CACNA2D4: variants seen among roughly 807,000 people sequenced by gnomAD.
The protein encoded by CACNA2D4 is voltage-dependent calcium channel subunit alpha-2/delta-4.
CACNA2D4 carries 157 observed loss-of-function variants against 163.8 expected under a neutral mutation model. The observed-to-expected ratio is 0.96, with a 90% CI of 0.84 to 1.09. CACNA2D4 has a LOEUF of 1.09. Ranked by LOEUF, CACNA2D4 falls within the 50% of genes least tolerant of loss-of-function variation. CACNA2D4 has a pLI of 0.00. For synonymous variants in CACNA2D4, 598 were observed against 586.9 expected, an observed-to-expected ratio of 1.02 and a Z score of -0.27; for missense variants, 1,410 against 1,479.9, an observed-to-expected ratio of 0.95 and a Z score of 0.78.
At position 1,844,611 on chromosome 12, in the gene CACNA2D4, T is replaced by C. The variant is rs1865102539; in HGVS notation, c.2343-82A>G. 2 of 1,482,828 alleles carry C rather than the reference T, an allele frequency of 1.3e-6. No homozygotes were observed. The allele number at this position is 1,482,828 out of a possible 1,614,324, so 91.9% of individuals were successfully genotyped here. ...TTTCCTTTTCTCACACAAGGTCAAC[T>C]TGGCTGGGCTAAGAGAGTGATTTTA... On this transcript the variant is annotated intron_variant, in intron 24 of 37. Transcript: ENST00000382722. This position sits in a 1 kb window ranked among gnomAD's most constrained non-coding sequence, Gnocchi z 4.2.
chr12:1,828,199 G>GCC lies in CACNA2D4; in HGVS notation c.2551+12539_2551+12540insGG. 6.5e-7 allele frequency: 1 copy of GCC among 1,546,964 alleles called. No individual in the cohort carries two copies. The highest frequency in any genetic ancestry group is 8.7e-7 in the Non-Finnish European group (1 of 1,145,370). ...GGCAGAGGGGCAGGCTCGCCCTGCA[G>GCC]TGGAGGCAAGTCTCCTGTGAGTACA... On this transcript the variant is annotated intron_variant, in intron 26 of 37. Coordinates refer to ENST00000382722, the MANE Select transcript of CACNA2D4 (RefSeq NM_172364.5). This position sits in a 1 kb window ranked among gnomAD's most constrained non-coding sequence, Gnocchi z 4.2.
chr12:1,803,675 G>A (rs1013210385), intron 29 of CACNA2D4, among the ~76,000 whole-genome samples: 1 of 152,196 alleles, frequency 6.6e-6, no homozygotes, highest in African/African-American at 2.4e-5. Context: ...ACACTTGTCT[G>A]TCTACACTCT....
At chr12:1,903,179 T>C (rs1407197587) in intron 6 of CACNA2D4, among the ~76,000 whole-genome samples, 3 of 152,082 alleles carry the variant, frequency 2.0e-5, no homozygotes, top group Non-Finnish European at 2.9e-5. Context: ...AGAATGAAAC[T>C]AGACTCCTAT....
At chr12:1,895,633 CTTAA>C (rs908796502) in intron 6 of CACNA2D4, among the ~76,000 whole-genome samples, 63 of 152,142 alleles carry the variant, frequency 4.1e-4, no homozygotes, top group African/African-American at 1.1e-3. Context: ...AAATTAATTA[CTTAA>C]TTAATTAGTT....
intron 26 of CACNA2D4, among the ~76,000 whole-genome samples, chr12:1,819,630 C>T (rs1164768464): frequency 6.6e-6 from 1 of 152,294 alleles, no homozygotes; most frequent in East Asian, 1.9e-4. Flanking sequence ...AGCTTGGTCC[C>T]TGACTCACTT....
intron 1 of CACNA2D4, 142 bp downstream of exon 1, chr12:1,918,105 G>C (rs759377832): frequency 4.4e-5 from 30 of 675,110 alleles, no homozygotes; most frequent in Non-Finnish European, 7.4e-5. Flanking sequence ...TACAGCAAGA[G>C]AGTGGTCAGT....
chr12:1,821,091 T>C (rs1303964610), intron 26 of CACNA2D4, among the ~76,000 whole-genome samples: 2 of 152,098 alleles, frequency 1.3e-5, no homozygotes, highest in Non-Finnish European at 2.9e-5. Context: ...TGGCGCCAGA[T>C]GACAGTCCCG....
chr12:1,883,756 G>C lies in CACNA2D4; in HGVS notation c.1351+487C>G, dbSNP rs1389007859. On this transcript the variant is annotated intron_variant, in intron 12 of 37. Transcript: ENST00000382722. This position sits in a 1 kb window ranked among gnomAD's most constrained non-coding sequence, Gnocchi z 4.5. ...CCACCATCAAAGCACATTTCAGGCT[G>C]CATCGTGGGTGGTGTTTTACTTGTA... Among the ~76,000 whole-genome samples, 3 of 152,186 alleles carry C rather than the reference G, an allele frequency of 2.0e-5. No individual in the cohort carries two copies. The highest frequency in any genetic ancestry group is 7.2e-5 in the African/African-American group (3 of 41,448).
At chr12:1,842,766 T>C (rs1865056417) in intron 25 of CACNA2D4, among the ~76,000 whole-genome samples, 1 of 152,140 alleles carries the variant, frequency 6.6e-6, no homozygotes. Context: ...GTGGGTGCCC[T>C]CCCTGGGGAG....
At chr12:1,890,614 T>G (rs1023101000) in intron 6 of CACNA2D4, among the ~76,000 whole-genome samples, 2 of 152,050 alleles carry the variant, frequency 1.3e-5, no homozygotes, top group African/African-American at 4.8e-5. Context: ...CCCTCCCCAA[T>G]AGCAGGGCTG....
intron 34 of CACNA2D4, chr12:1,797,755 G>C (rs1273802032): frequency 5.0e-6 from 3 of 595,046 alleles, no homozygotes; most frequent in Non-Finnish European, 9.0e-6. Flanking sequence ...GAGCGCCGCA[G>C]GGGCCCTGAG....
chr12:1,818,913 T>C (rs1719367663), intron 26 of CACNA2D4, among the ~76,000 whole-genome samples: 1 of 150,148 alleles, frequency 6.7e-6, no homozygotes, highest in South Asian at 2.1e-4. Flanking sequence ...GTTTATCTGC[T>C]GACCTTCCCT....
rs184524912 is a variant in CACNA2D4, at chr12:1,805,129, C to T, written c.2722-3485G>A. ...TCATGGGGGACAATTCACAAATAAG[C>T]AGTGGCCCGTGGGCTGCCTGAACTC... On this transcript the variant is annotated intron_variant, in intron 29 of 37. Transcript: ENST00000382722. Among the ~76,000 whole-genome samples the T allele has an allele frequency of 3.2e-3, 485 of 152,264 alleles. 1 individual carries two copies. Among genetic ancestry groups the T allele is most frequent in the Non-Finnish European group, 5.2e-3 (354 of 68,020 alleles).
At position 1,799,614 on chromosome 12, in the gene CACNA2D4, G is replaced by A; in HGVS notation, c.2995+61C>T. ...ACAGGTCATGGAGGGTGGGTTCTTTGTAGCTCCTGCTGCGTCCCCAACCCA... is the reference window on the plus strand; with the variant it reads ...ACAGGTCATGGAGGGTGGGTTCTTTATAGCTCCTGCTGCGTCCCCAACCCA... On this transcript the variant is annotated intron_variant, in intron 34 of 37. Transcript: ENST00000382722. This position sits in a 1 kb window ranked among gnomAD's most constrained non-coding sequence, Gnocchi z 4.7. The A allele has an allele frequency of 6.5e-7, 1 of 1,536,702 alleles. No homozygotes were observed. The highest frequency in any genetic ancestry group is 8.8e-7 in the Non-Finnish European group (1 of 1,133,424).
intron 18 of CACNA2D4, among the ~76,000 whole-genome samples, chr12:1,865,040 C>T (rs1865614008): frequency 6.6e-6 from 1 of 152,178 alleles, no homozygotes; most frequent in African/African-American, 2.4e-5. Context: ...GTCACCGTCG[C>T]GTGGTCCCTC....
intron 26 of CACNA2D4, among the ~76,000 whole-genome samples, chr12:1,839,346 C>T (rs1026786347): frequency 8.5e-5 from 13 of 152,212 alleles, no homozygotes; most frequent in Non-Finnish European, 4.4e-5. Context: ...GGGTAAGGAG[C>T]GCTTCATCGC....
At chr12:1,816,931 G>A (rs1311949735) in intron 26 of CACNA2D4, among the ~76,000 whole-genome samples, 1 of 152,202 alleles carries the variant, frequency 6.6e-6, no homozygotes, top group Non-Finnish European at 1.5e-5. Flanking sequence ...ACACACACAT[G>A]CACATACATA....
chr12:1,834,089 T>C lies in CACNA2D4; in HGVS notation c.2551+6650A>G, dbSNP rs1283590767. 1.3e-5 allele frequency among the ~76,000 whole-genome samples: 2 copies of C among 152,210 alleles called. No individual in the cohort carries two copies. The highest frequency in any genetic ancestry group is 2.4e-5 in the African/African-American group (1 of 41,450). ...ATACGTAACTCACTGTGGACTTGGC[T>C]CAATCAATGCTGTTTTCCCTCCTCC... On this transcript the variant is annotated intron_variant, in intron 26 of 37. Coordinates refer to ENST00000382722, the MANE Select transcript of CACNA2D4 (RefSeq NM_172364.5). This position sits in a 1 kb window ranked among gnomAD's most constrained non-coding sequence, Gnocchi z 7.6.
rs760871830 is a variant in CACNA2D4 at position 1,907,885 on chromosome 12, C to T, written c.639G>A (p.Val213=). ...SISSVQLPTN[V]YNKDPDILNG... ...GAGCGTGCCGGCTACCTTTGTTGTA[C>T]ACGTTGGTGGGCAGCTGCACGCTGC... The change falls in exon 5 of 38, where the codon GTG becomes GTA. Residue 213 remains valine (V), a synonymous_variant. Coordinates refer to ENST00000382722, the MANE Select transcript of CACNA2D4 (RefSeq NM_172364.5). 1.2e-6 allele frequency: 2 copies of T among 1,613,882 alleles called. No individual in the cohort carries two copies. Among genetic ancestry groups the T allele is most frequent in the Non-Finnish European group, 8.5e-7 (1 of 1,179,884 alleles).
Sources: gnomAD v4.1 joint callset for allele counts (sites outside exome capture counted in the v4.1 genomes callset) on GRCh38, gnomAD v4.1.1 for gene constraint, Gnocchi (gnomAD v3.1) non-coding constraint, MANE v1.5 for transcripts, NCBI Gene and HGNC (gene_info 2026-07-23, HGNC 2026-07-21) for gene names.